Variants in ASB3 observed in about 807,000 individuals in gnomAD.
The protein encoded by ASB3 is ankyrin repeat and SOCS box containing 3.
A neutral mutation model predicts 54.5 loss-of-function variants in ASB3; 41 were observed. That is an observed-to-expected ratio of 0.75 (90% confidence interval 0.59 to 0.98). The LOEUF (loss-of-function observed/expected upper bound fraction) is 0.98. ASB3 is among the 50% of genes least tolerant of loss of function. ASB3 has a pLI of 0.00. For missense variants in ASB3, 733 were observed against 620.0 expected (o/e 1.18, Z -1.94); for synonymous variants, 266 against 221.2 (o/e 1.20, Z -1.80).
At chr2:53,735,328 C>A (rs1011066143) in intron 3 of ASB3, among the ~76,000 whole-genome samples, 1 of 152,062 alleles carries the variant, frequency 6.6e-6, no homozygotes, top group Non-Finnish European at 1.5e-5. Context: ...TGGTCCAGAA[C>A]CAAATTTCCA....
chr2:53,690,623 G>A lies in ASB3; in HGVS notation c.1369+3261C>T, dbSNP rs555754239. ...TTGACAACAGAGCTCAGAGCCAAAT[G>A]TACAGCCTATCAACAGACAAGTATC... is the stretch of plus-strand genomic sequence containing the variant. On this transcript the variant is annotated intron_variant, in intron 9 of 9. Coordinates refer to ENST00000263634, the MANE Select transcript of ASB3 (RefSeq NM_016115.5). Among the ~76,000 whole-genome samples the A allele has an allele frequency of 1.0e-3, 152 of 152,002 alleles. 1 individual carries two copies. The highest frequency in any genetic ancestry group is 3.6e-3 in the African/African-American group (149 of 41,480).
At chr2:53,768,155 T>A in intron 1 of ASB3, 1 of 1,042,928 alleles carries the variant, frequency 9.6e-7, no homozygotes, top group Non-Finnish European at 1.3e-6. Context: ...GGGGTAACAT[T>A]TCTGTAGATT....
intron 1 of ASB3, chr2:53,774,091 C>A: frequency 6.7e-7 from 1 of 1,497,196 alleles, no homozygotes; most frequent in South Asian, 1.3e-5. Context: ...CTTTCTTCAC[C>A]TATTTTAATT....
chr2:53,742,868 G>A (rs1325796746), intron 3 of ASB3, among the ~76,000 whole-genome samples: 1 of 151,958 alleles, frequency 6.6e-6, no homozygotes, highest in Non-Finnish European at 1.5e-5. Context: ...TAACAGAACA[G>A]ACAAATATTT....
intron 3 of ASB3, among the ~76,000 whole-genome samples, chr2:53,733,511 G>A (rs1163595726): frequency 2.0e-5 from 3 of 151,058 alleles, no homozygotes. Context: ...GCACTATTTC[G>A]GCTCACAGCA....
chr2:53,683,326 T>C (rs1433488820), intron 9 of ASB3, among the ~76,000 whole-genome samples: 1 of 151,626 alleles, frequency 6.6e-6, no homozygotes, highest in Non-Finnish European at 1.5e-5. Flanking sequence ...CACTTGGTCA[T>C]GACGAATGAT....
Position 53,749,577 on chromosome 2 carries a change from TATCACATCTATTTA to T in ASB3, c.355+1192_355+1205del, listed in dbSNP as rs985565410. 5.3e-5 allele frequency among the ~76,000 whole-genome samples: 8 copies of T among 152,144 alleles called. No individual in the cohort carries two copies. In the East Asian group the frequency reaches 1.2e-3, roughly 22 times the overall value. On this transcript the variant is annotated intron_variant, in intron 3 of 9. Coordinates refer to ENST00000263634, the MANE Select transcript of ASB3 (RefSeq NM_016115.5). ...ATCCAACTGATAAATGGATAAACTG[TATCACATCTATTTA>T]ATCACATCTATTTAATAGAATACGA...
intron 3 of ASB3, among the ~76,000 whole-genome samples, chr2:53,733,911 T>C (rs193302300): frequency 1.3e-5 from 2 of 152,326 alleles, no homozygotes; most frequent in Admixed American, 6.5e-5. Context: ...AGATTATAGA[T>C]TAACTAAAAG....
chr2:53,765,812 G>A (rs1174429733), intron 1 of ASB3, among the ~76,000 whole-genome samples: 24 of 152,184 alleles, frequency 1.6e-4, no homozygotes, highest in Admixed American at 1.2e-3. Context: ...CTAAAAACAT[G>A]AAGGGACTTT....
In ASB3 at chr2:53,707,191, C is replaced by G. The variant is rs115819648; in HGVS notation, c.981-6663G>C. On this transcript the variant is annotated intron_variant, in intron 7 of 9. Coordinates refer to ENST00000263634, the MANE Select transcript of ASB3 (RefSeq NM_016115.5). ...AGCATTTGAAGGGTGGCTAGGGAAA[C>G]TGAAGAAGTAATTTATAACGCTACT... Among the ~76,000 whole-genome samples, 167 of 152,284 alleles carry G rather than the reference C, an allele frequency of 1.1e-3. 2 individuals carry two copies. The highest frequency in any genetic ancestry group is 3.8e-3 in the African/African-American group (160 of 41,574).
In ASB3 at chr2:53,728,861, T is replaced by G; in HGVS notation, c.469-14A>C. On this transcript the variant is annotated splice_polypyrimidine_tract_variant and intron_variant, in intron 4 of 9. Transcript: ENST00000263634. ...CTCAGCATTTTCCTAAAGCACAGAT[T>G]CACATTTTAAATAAGAAAAAAACAA... The G allele has an allele frequency of 6.4e-7, 1 of 1,573,378 alleles. No individual in the cohort carries two copies. The highest frequency in any genetic ancestry group is 1.4e-5 in the African/African-American group (1 of 73,194).
chr2:53,736,810 T>C (rs1390679874), intron 3 of ASB3, among the ~76,000 whole-genome samples: 1 of 151,360 alleles, frequency 6.6e-6, no homozygotes, highest in African/African-American at 2.4e-5. Flanking sequence ...CTGACCAACA[T>C]GTTTAAACCC....
intron 1 of ASB3, among the ~76,000 whole-genome samples, chr2:53,768,713 TA>T (rs1558571586): frequency 6.6e-6 from 1 of 152,236 alleles, no homozygotes; most frequent in Non-Finnish European, 1.5e-5. Context: ...TTCTCATAAT[TA>T]TAATATGAAA....
intron 3 of ASB3, among the ~76,000 whole-genome samples, chr2:53,743,682 T>G (rs1195403546): frequency 6.6e-6 from 1 of 152,220 alleles, no homozygotes; most frequent in Admixed American, 6.5e-5. Flanking sequence ...ATTATATAAA[T>G]ACATTTAATT....
rs1572909233 is a variant in ASB3, at chr2:53,723,437, G to T, written c.604+5275C>A. On this transcript the variant is annotated intron_variant, in intron 5 of 9. Coordinates refer to ENST00000263634, the MANE Select transcript of ASB3 (RefSeq NM_016115.5). Reference sequence around the variant, plus strand: ...AGATTCTGGTGCACTCATCACCCAAGCAGTATACACTGCACCCAATTTGTG... The same window carrying T: ...AGATTCTGGTGCACTCATCACCCAATCAGTATACACTGCACCCAATTTGTG... Among the ~76,000 whole-genome samples, 7 of 152,174 alleles carry T rather than the reference G, an allele frequency of 4.6e-5. 2 individuals carry two copies. The highest frequency in any genetic ancestry group is 4.6e-4 in the Admixed American group (7 of 15,280).
chr2:53,676,193 T>G (rs1453864016), intron 9 of ASB3, among the ~76,000 whole-genome samples: 1 of 152,234 alleles, frequency 6.6e-6, no homozygotes, highest in Non-Finnish European at 1.5e-5. Flanking sequence ...CATTATAAAG[T>G]ACTGCAAAGA....
chr2:53,714,174 C>G (rs1396551059), intron 7 of ASB3, among the ~76,000 whole-genome samples: 5 of 152,024 alleles, frequency 3.3e-5, no homozygotes, highest in African/African-American at 4.8e-5. Flanking sequence ...TAATCCAGAT[C>G]CAAAGAAGGA....
At chr2:53,680,889 C>T (rs1183097190) in intron 9 of ASB3, among the ~76,000 whole-genome samples, 1 of 152,150 alleles carries the variant, frequency 6.6e-6, no homozygotes, top group Non-Finnish European at 1.5e-5. Context: ...TCTCACCCCC[C>T]ATCCCCACTA....
chr2:53,706,616 T>G (rs1156242218), intron 7 of ASB3, among the ~76,000 whole-genome samples: 2 of 152,092 alleles, frequency 1.3e-5, no homozygotes, highest in African/African-American at 4.8e-5. Context: ...TGACTAATTT[T>G]TTGTATTTTT....
Sources: gnomAD v4.1 joint callset for allele counts (sites outside exome capture counted in the v4.1 genomes callset) on GRCh38, gnomAD v4.1.1 for gene constraint, MANE v1.5 for transcripts, NCBI Gene and HGNC (gene_info 2026-07-23, HGNC 2026-07-21) for gene names.